The following LAMB1 variants were observed in gnomAD, a reference collection of about 807,000 sequenced individuals.
LAMB1 encodes laminin subunit beta 1.
LAMB1 carries 121 observed loss-of-function variants against 222.3 expected under a neutral mutation model. The ratio of observed to expected loss-of-function variants is 0.54; its 90% CI spans 0.47 to 0.63. The LOEUF (loss-of-function observed/expected upper bound fraction) is 0.63. Among genes scored for constraint, LAMB1 ranks in the 30% least tolerant of loss-of-function variants. LAMB1 has a pLI of 0.00. For missense variants in LAMB1, 2,172 were observed against 2,240.8 expected, an observed-to-expected ratio of 0.97 and a Z score of 0.62; for synonymous variants, 794 against 807.2, an observed-to-expected ratio of 0.98 and a Z score of 0.28.
intron 26 of LAMB1, 25 bp from the exon 27 acceptor site, chr7:107,935,681 A>C (rs1348822132): frequency 1.9e-6 from 3 of 1,610,038 alleles, no homozygotes; most frequent in Admixed American, 1.7e-5. Flanking sequence ...GAAATTGCCC[A>C]CAGTTAACCT....
intron 3 of LAMB1, among the ~76,000 whole-genome samples, chr7:107,999,496 C>T (rs1017116703): frequency 3.9e-5 from 6 of 152,134 alleles, no homozygotes; most frequent in African/African-American, 1.2e-4. Flanking sequence ...CGTACTTTTA[C>T]GTTGTATTTC....
At chr7:107,957,232 A>C (rs1414819022) in intron 20 of LAMB1, among the ~76,000 whole-genome samples, 1 of 152,156 alleles carries the variant, frequency 6.6e-6, no homozygotes, top group East Asian at 1.9e-4. Context: ...TCCCTTAAAA[A>C]TACAAAAGAT....
chr7:107,933,578 T>C (rs900028997), intron 27 of LAMB1, among the ~76,000 whole-genome samples: 2 of 151,824 alleles, frequency 1.3e-5, no homozygotes, highest in East Asian at 3.8e-4. Context: ...AGATCTGTTT[T>C]GTTTCAACAG....
chr7:107,988,875 T>C (rs1375945598), intron 5 of LAMB1, among the ~76,000 whole-genome samples: 1 of 152,198 alleles, frequency 6.6e-6, no homozygotes, highest in Non-Finnish European at 1.5e-5. Flanking sequence ...ATTCCTAGCC[T>C]ATGGAACTGT....
chr7:107,923,973 G>C lies in LAMB1; in HGVS notation c.5339C>G (p.Ala1780Gly). ...CTGTTACAAGCATGTGCTATACACA[G>C]CAACTTTCTGGCTTATATCCTTTAG... ...SLLKDISQKV[A>G]VYSTCL Residue 1780 changes from alanine to glycine, a missense_variant, in exon 34 of 34, where the codon GCT (alanine) becomes GGT (glycine). Coordinates refer to ENST00000222399, the MANE Select transcript of LAMB1 (RefSeq NM_002291.3). 1.2e-6 allele frequency: 2 copies of C among 1,609,674 alleles called. No individual in the cohort carries two copies. Among genetic ancestry groups the C allele is most frequent in the Non-Finnish European group, 1.7e-6 (2 of 1,178,836 alleles).
Position 107,998,336 on chromosome 7 carries a change from G to T in LAMB1, c.349+21C>A, listed in dbSNP as rs761735862. On this transcript the variant is annotated intron_variant, in intron 4 of 33. Transcript: ENST00000222399. The stretch of plus-strand genomic sequence containing the variant: ...TTATCAATCACACTCAACGGAACTT[G>T]TCCCCACACCAACCACATACCATTT... 54 of 1,610,658 alleles carry T rather than the reference G, an allele frequency of 3.4e-5. No individual in the cohort carries two copies. The Middle Eastern group carries it at 6.6e-4, about 20-fold the overall frequency.
intron 13 of LAMB1, among the ~76,000 whole-genome samples, chr7:107,972,587 CAA>C (rs60255621): frequency 0.034 from 4,510 of 132,698 alleles, 103 homozygotes; most frequent in Non-Finnish European, 0.051. Flanking sequence ...TTGGAAGTCA[CAA>C]AAAAAAAAAA....
chr7:108,002,585 A>T (rs535109862), intron 2 of LAMB1, among the ~76,000 whole-genome samples: 4 of 152,138 alleles, frequency 2.6e-5, no homozygotes, highest in Non-Finnish European at 4.4e-5. Context: ...CGAGGGTGCA[A>T]AACCCTGAGC....
intron 28 of LAMB1, 82 bp from the exon 29 acceptor site, chr7:107,931,582 G>C: frequency 7.6e-7 from 1 of 1,308,878 alleles, no homozygotes; most frequent in East Asian, 2.3e-5. Context: ...GCTCAAAAAT[G>C]ATGTTGAAAA....
At chr7:107,980,884 TTTC>T (rs2033959310) in intron 7 of LAMB1, 73 bp from the exon 8 acceptor site, 1 of 891,730 alleles carries the variant, frequency 1.1e-6, no homozygotes. Context: ...CCTTGCATCA[TTTC>T]TTTTTAGAGA....
chr7:107,964,968 T>G (rs546396891), intron 13 of LAMB1, among the ~76,000 whole-genome samples: 3 of 152,258 alleles, frequency 2.0e-5, no homozygotes, highest in Non-Finnish European at 2.9e-5. Flanking sequence ...ATCCCAAACC[T>G]TCTTGCTTTG....
Position 107,926,292 on chromosome 7 carries a change from T to C in LAMB1, c.4955A>G (p.Glu1652Gly), listed in dbSNP as rs2032563612. Residue 1652 changes from glutamate to glycine, a missense_variant, in exon 32 of 34, where the codon GAG (glutamate) becomes GGG (glycine). Transcript: ENST00000222399. ...CCGCTTAAGTTCTTCCACATTCCTC[T>C]CTAACTCGCTGATGCGCTGGGACGC... ...FNASQRISEL[E>G]RNVEELKRKA... 1.2e-6 allele frequency: 2 copies of C among 1,614,006 alleles called. No homozygotes were observed. The highest frequency in any genetic ancestry group is 1.7e-6 in the Non-Finnish European group (2 of 1,179,886).
At position 107,925,898 on chromosome 7, in the gene LAMB1, T is replaced by TA. The variant is rs34631145; in HGVS notation, c.5064+284dup. The stretch of plus-strand genomic sequence containing the variant: ...CTGGTTTTTGTCAATATAGTTGGTT[T>TA]AAAAAAAAAAAAAAAGCCTGTTTTG... On this transcript the variant is annotated intron_variant, in intron 32 of 33. Coordinates refer to ENST00000222399, the MANE Select transcript of LAMB1 (RefSeq NM_002291.3). Among the ~76,000 whole-genome samples the TA allele has an allele frequency of 0.043, 6,069 of 142,788 alleles. 225 individuals are homozygous for TA. The highest frequency in any genetic ancestry group is 0.11 in the African/African-American group (4,137 of 38,504). 93.7% of individuals were successfully genotyped at this position (142,788 alleles called of 152,430 possible). A position where few individuals can be genotyped will look rare whatever the true frequency, so the allele number is the denominator to read the frequency against.
chr7:107,931,977 A>G (rs918113293), intron 28 of LAMB1, among the ~76,000 whole-genome samples, 197 bp downstream of exon 28: 5 of 152,224 alleles, frequency 3.3e-5, no homozygotes, highest in Non-Finnish European at 5.9e-5. Flanking sequence ...GTGAGGAGAA[A>G]GCAAATTCTT....
rs25659 is a variant in LAMB1, at chr7:107,986,325, G to A, written c.462C>T (p.Ser154=). 0.12 allele frequency: 197,624 copies of A among 1,607,980 alleles called. 12,793 individuals carry two copies. Among genetic ancestry groups the A allele is most frequent in the Admixed American group, 0.17 (10,057 of 59,780 alleles). ...RPAAMLIERS[S]DFGKTWGVYR... The stretch of plus-strand genomic sequence containing the variant: ...ACACACCCCAGGTTTTCCCAAAGTC[G>A]GACGATCGTTCTATCAGCATAGCAG... The change falls in exon 6 of 34, where the codon TCC becomes TCT. Residue 154 remains serine, a synonymous_variant. Transcript: ENST00000222399.
In LAMB1 at chr7:107,962,886, C is replaced by T. The variant is rs771729323; in HGVS notation, c.1857+19G>A. On this transcript the variant is annotated intron_variant, in intron 15 of 33. Coordinates refer to ENST00000222399, the MANE Select transcript of LAMB1 (RefSeq NM_002291.3). The stretch of plus-strand genomic sequence containing the variant: ...TTCTCCCCTCCCTCCTCCACCAGTC[C>T]ACTAAGTGGTTTCTTTACCTGTGGC... 5 of 1,604,196 alleles carry T rather than the reference C, an allele frequency of 3.1e-6. No homozygotes were observed. In the South Asian group the frequency reaches 5.5e-5, roughly 18 times the overall value.
At chr7:107,924,950 A>T (rs1466113237) in intron 32 of LAMB1, among the ~76,000 whole-genome samples, 1 of 152,224 alleles carries the variant, frequency 6.6e-6, no homozygotes, top group Non-Finnish European at 1.5e-5. Context: ...CATTTATGGA[A>T]ATTTCATTTC....
chr7:108,002,753 C>G, intron 2 of LAMB1, 96 bp downstream of exon 2: 1 of 1,525,732 alleles, frequency 6.6e-7, no homozygotes, highest in East Asian at 2.3e-5. Flanking sequence ...CTCTCCCAAG[C>G]CCCCAGGATC....
intron 21 of LAMB1, 150 bp downstream of exon 21, chr7:107,955,317 T>C: frequency 4.5e-6 from 3 of 665,296 alleles, no homozygotes; most frequent in Non-Finnish European, 7.0e-6. Flanking sequence ...ATGTGCCAAA[T>C]AGGAAAAGAG....
Sources: gnomAD v4.1 joint callset for allele counts (sites outside exome capture counted in the v4.1 genomes callset) on GRCh38, gnomAD v4.1.1 for gene constraint, MANE v1.5 for transcripts, NCBI Gene and HGNC (gene_info 2026-07-23, HGNC 2026-07-21) for gene names.